Variants in MAN2A1 observed in about 807,000 individuals in gnomAD.
MAN2A1 encodes the protein alpha-mannosidase 2.
A neutral mutation model predicts 142.6 loss-of-function variants in MAN2A1; 76 were observed. The ratio of observed to expected loss-of-function variants is 0.53; its 90% CI spans 0.44 to 0.65. The LOEUF (loss-of-function observed/expected upper bound fraction) is 0.65. Ranked by LOEUF, MAN2A1 falls within the 30% of genes least tolerant of loss-of-function variation. MAN2A1 has a pLI of 0.00. For missense variants in MAN2A1, 1,311 were observed against 1,365.1 expected, an observed-to-expected ratio of 0.96 and a Z score of 0.62; for synonymous variants, 559 against 473.2, an observed-to-expected ratio of 1.18 and a Z score of -2.35.
At chr5:109,733,390 C>A (rs1407591827) in intron 4 of MAN2A1, among the ~76,000 whole-genome samples, 2 of 152,152 alleles carry the variant, frequency 1.3e-5, no homozygotes, top group African/African-American at 2.4e-5. Flanking sequence ...CCAGAACTTC[C>A]AACACTATGT....
intron 20 of MAN2A1, chr5:109,863,128 A>T (rs1013394068): frequency 1.3e-5 from 2 of 152,226 alleles, no homozygotes; most frequent in Admixed American, 1.3e-4. Flanking sequence ...GTTAAAATGG[A>T]CAAATGCTTT....
chr5:109,858,808 C>G (rs1755687035), intron 20 of MAN2A1, among the ~76,000 whole-genome samples: 1 of 152,236 alleles, frequency 6.6e-6, no homozygotes, highest in African/African-American at 2.4e-5. Flanking sequence ...CTAAAGGTTT[C>G]TCAATTCTAA....
chr5:109,833,036 C>T (rs1365295581), intron 16 of MAN2A1, among the ~76,000 whole-genome samples: 65 of 146,042 alleles, frequency 4.5e-4, no homozygotes, highest in Admixed American at 2.8e-3. Context: ...CCAGATGGGG[C>T]GGCAGGGCAG....
chr5:109,817,276 C>T lies in MAN2A1; in HGVS notation c.1947C>T (p.Tyr649=), dbSNP rs138247790. ...AATGAAGCAGCTGTTTTTGCAGGTACCTTGTGGTCTATAATCCTTTAGAAC... is the reference window on the plus strand; with the variant it reads ...AATGAAGCAGCTGTTTTTGCAGGTATCTTGTGGTCTATAATCCTTTAGAAC... ...NIIRLSAEPR[Y]LVVYNPLEQD... is the part of the protein sequence containing the mutation. Residue 649 remains tyrosine, a synonymous_variant, in exon 13 of 22, where the codon TAC becomes TAT. Coordinates refer to ENST00000261483, the MANE Select transcript of MAN2A1 (RefSeq NM_002372.4). 1.2e-5 allele frequency: 20 copies of T among 1,612,934 alleles called. No homozygotes were observed. The African/African-American group carries it at 2.1e-4, about 17-fold the overall frequency.
At chr5:109,698,546 G>A (rs1750880183) in intron 1 of MAN2A1, among the ~76,000 whole-genome samples, 1 of 152,010 alleles carries the variant, frequency 6.6e-6, no homozygotes, top group Non-Finnish European at 1.5e-5. Flanking sequence ...TTAAGTATTT[G>A]TTTTTTTGCA....
At chr5:109,694,635 C>A (rs912960007) in intron 1 of MAN2A1, among the ~76,000 whole-genome samples, 1 of 151,072 alleles carries the variant, frequency 6.6e-6, no homozygotes, top group African/African-American at 2.4e-5. Context: ...AGGTGTGATT[C>A]ACTGCTCCCA....
intron 6 of MAN2A1, among the ~76,000 whole-genome samples, chr5:109,768,857 A>G (rs1256373658): frequency 2.6e-5 from 4 of 152,212 alleles, no homozygotes; most frequent in Non-Finnish European, 5.9e-5. Flanking sequence ...AAAGAATTTG[A>G]AGAAGCCCTA....
At chr5:109,707,576 A>G (rs550508735) in intron 1 of MAN2A1, among the ~76,000 whole-genome samples, 2 of 152,320 alleles carry the variant, frequency 1.3e-5, no homozygotes, top group South Asian at 4.1e-4. Context: ...GGAGGAAACA[A>G]GAAATAAATT....
intron 4 of MAN2A1, among the ~76,000 whole-genome samples, chr5:109,738,391 G>A (rs374406388): frequency 4.6e-5 from 7 of 151,874 alleles, no homozygotes; most frequent in East Asian, 1.9e-4. Context: ...ATTGTAAACT[G>A]TATGTATCAT....
chr5:109,690,993 T>A (rs1379438975), intron 1 of MAN2A1, among the ~76,000 whole-genome samples: 3 of 152,122 alleles, frequency 2.0e-5, no homozygotes, highest in Non-Finnish European at 1.5e-5. Flanking sequence ...CGGAAATGGA[T>A]CAAACCGAAC....
chr5:109,691,982 C>T (rs191928004), intron 1 of MAN2A1, among the ~76,000 whole-genome samples: 1 of 152,240 alleles, frequency 6.6e-6, no homozygotes, highest in East Asian at 1.9e-4. Flanking sequence ...CTCCAGTAAC[C>T]TCATTTTCAG....
intron 16 of MAN2A1, among the ~76,000 whole-genome samples, chr5:109,839,649 CTTTTTTTTTT>C (rs34820879): frequency 1.8e-5 from 2 of 109,846 alleles, no homozygotes; most frequent in Non-Finnish European, 1.9e-5. Flanking sequence ...CTGTCTCTCT[CTTTTTTTTTT>C]TTTTTTTTTT....
intron 16 of MAN2A1, among the ~76,000 whole-genome samples, chr5:109,829,224 T>C (rs1754840169): frequency 6.6e-6 from 1 of 152,180 alleles, no homozygotes; most frequent in African/African-American, 2.4e-5. Context: ...TTAAATATTT[T>C]TTTAAGATTA....
chr5:109,750,598 G>A (rs1752519738), intron 4 of MAN2A1, among the ~76,000 whole-genome samples: 1 of 151,878 alleles, frequency 6.6e-6, no homozygotes, highest in Non-Finnish European at 1.5e-5. Flanking sequence ...GTGCTTTCTG[G>A]CCTACTATTA....
chr5:109,775,494 A>G (rs1433086127), intron 8 of MAN2A1, among the ~76,000 whole-genome samples: 1 of 148,224 alleles, frequency 6.7e-6, no homozygotes, highest in Non-Finnish European at 1.5e-5. Flanking sequence ...TTTTTTTCTT[A>G]TGGAAAATTT....
rs1754122224 is a variant in MAN2A1, at chr5:109,804,803, T to C, written c.1944-12470T>C. The stretch of plus-strand genomic sequence containing the variant: ...GATAGATTTCATTTGTCAACACAGA[T>C]ATAGACAGTGAATACAAACATCTTT... On this transcript the variant is annotated intron_variant, in intron 12 of 21. Transcript: ENST00000261483. Among the ~76,000 whole-genome samples the C allele has an allele frequency of 2.0e-5, 3 of 152,184 alleles. No homozygotes were observed. The South Asian group carries it at 6.2e-4, about 31-fold the overall frequency.
At chr5:109,700,746 A>G (rs1027443403) in intron 1 of MAN2A1, among the ~76,000 whole-genome samples, 5 of 152,196 alleles carry the variant, frequency 3.3e-5, no homozygotes, top group Admixed American at 6.5e-5. Flanking sequence ...CGAGTCACAC[A>G]TAAACTAGAC....
At chr5:109,849,115 G>T (rs1755413072) in intron 19 of MAN2A1, among the ~76,000 whole-genome samples, 2 of 152,146 alleles carry the variant, frequency 1.3e-5, no homozygotes, top group Non-Finnish European at 2.9e-5. Flanking sequence ...CTACCTGTCT[G>T]GCAGTTCTTT....
intron 2 of MAN2A1, among the ~76,000 whole-genome samples, chr5:109,715,057 G>C (rs1416256240): frequency 3.3e-5 from 5 of 151,744 alleles, no homozygotes; most frequent in Non-Finnish European, 5.9e-5. Flanking sequence ...AGGAGTTGCA[G>C]AGCAACCATG....
Sources: gnomAD v4.1 joint callset for allele counts (sites outside exome capture counted in the v4.1 genomes callset) on GRCh38, gnomAD v4.1.1 for gene constraint, MANE v1.5 for transcripts, NCBI Gene and HGNC (gene_info 2026-07-23, HGNC 2026-07-21) for gene names.